Variants in HNF4A observed in about 807,000 individuals in gnomAD.
HNF4A encodes hepatocyte nuclear factor 4 alpha.
Under a neutral mutation model 52.4 loss-of-function variants are expected in HNF4A, and 15 were observed. The ratio of observed to expected loss-of-function variants is 0.29; its 90% CI spans 0.19 to 0.44. The LOEUF (loss-of-function observed/expected upper bound fraction) is 0.44. HNF4A is among the 20% of genes least tolerant of loss of function. The pLI is 1.00. For synonymous variants in HNF4A, 280 were observed against 264.4 expected, an observed-to-expected ratio of 1.06 and a Z score of -0.57; for missense variants, 479 against 647.2, an observed-to-expected ratio of 0.74 and a Z score of 2.82.
chr20:44,403,824 G>A (rs1280085605), intron 1 of HNF4A, among the ~76,000 whole-genome samples: 1 of 152,164 alleles, frequency 6.6e-6, no homozygotes, highest in Non-Finnish European at 1.5e-5. Context: ...AGAGGTGCTC[G>A]GCTGACCTCA....
intron 7 of HNF4A, among the ~76,000 whole-genome samples, 184 bp downstream of exon 7, chr20:44,420,060 A>C (rs1032606174): frequency 6.6e-6 from 1 of 152,138 alleles, no homozygotes; most frequent in Non-Finnish European, 1.5e-5. Context: ...GGCCGGGCGC[A>C]GTGGCTCACA....
At chr20:44,407,262 C>A in intron 2 of HNF4A, 119 bp from the exon 3 acceptor site, 1 of 771,506 alleles carries the variant, frequency 1.3e-6, no homozygotes, top group Non-Finnish European at 2.3e-6. Flanking sequence ...AGAGAACTCC[C>A]GGGATGAAGA....
chr20:44,383,287 T>G (rs1239161964), intron 1 of HNF4A, among the ~76,000 whole-genome samples: 1 of 152,198 alleles, frequency 6.6e-6, no homozygotes, highest in African/African-American at 2.4e-5. Context: ...TTTTATACAT[T>G]AACACAAATA....
Position 44,387,657 on chromosome 20 carries a change from G to GA in HNF4A, c.50-18401_50-18400insA, listed in dbSNP as rs993545663. 1.5e-4 allele frequency among the ~76,000 whole-genome samples: 11 copies of GA among 73,658 alleles called. No individual in the cohort carries two copies. In the East Asian group the frequency reaches 4.0e-3, roughly 26 times the overall value. The allele number at this position is 73,658 out of a possible 152,430, so 48.3% of individuals were successfully genotyped here. A position where few individuals can be genotyped will look rare whatever the true frequency, so the allele number is the denominator to read the frequency against. On this transcript the variant is annotated intron_variant, in intron 1 of 9. Coordinates refer to the HNF4A transcript ENST00000316673. ...TGAAGGGGTGGGGTGGAGGCAGGCG[G>GA]GGGGGGGGGGAGGCGGGGGGGGCGG... is the stretch of plus-strand genomic sequence containing the variant.
At position 44,402,485 on chromosome 20, in the gene HNF4A, C is replaced by T. The variant is rs537625805; in HGVS notation, c.115+998C>T. The T allele has an allele frequency of 2.1e-5, 23 of 1,104,050 alleles. No individual in the cohort carries two copies. The East Asian group carries it at 1.2e-3, about 59-fold the overall frequency. The allele number at this position is 1,104,050 out of a possible 1,614,324, so 68.4% of individuals were successfully genotyped here. On this transcript the variant is annotated intron_variant, in intron 1 of 9. Coordinates refer to ENST00000316099, the MANE Select transcript of HNF4A (RefSeq NM_000457.6). ...GTGCACGACTGCACAGACCCAAATG[C>T]AGGACTCTGTTGTTGCCACTCACCA...
intron 5 of HNF4A, among the ~76,000 whole-genome samples, chr20:44,417,425 T>C (rs2063680793): frequency 2.0e-5 from 3 of 152,208 alleles, no homozygotes; most frequent in Admixed American, 2.0e-4. Context: ...AAGCTGATTC[T>C]CTGCCAGGGG....
intron 5 of HNF4A, among the ~76,000 whole-genome samples, chr20:44,415,744 C>A (rs2063654905): frequency 6.6e-6 from 1 of 152,224 alleles, no homozygotes; most frequent in Non-Finnish European, 1.5e-5. Context: ...CCTGGAACAC[C>A]TATTAATACT....
chr20:44,370,268 C>T (rs2063020288), intron 1 of HNF4A, among the ~76,000 whole-genome samples: 1 of 152,094 alleles, frequency 6.6e-6, no homozygotes, highest in Non-Finnish European at 1.5e-5. Context: ...ACCTTGTGAC[C>T]TGCCCGCCTC....
chr20:44,368,120 A>ATG (rs1297459068), intron 1 of HNF4A, among the ~76,000 whole-genome samples: 21 of 101,080 alleles, frequency 2.1e-4, no homozygotes, highest in African/African-American at 4.7e-4. Flanking sequence ...GTATACATAT[A>ATG]TGTGTGTGTG....
intron 1 of HNF4A, among the ~76,000 whole-genome samples, chr20:44,360,635 A>G (rs57151412): frequency 0.16 from 24,595 of 152,150 alleles, 2,395 homozygotes; most frequent in Middle Eastern, 0.26. Context: ...AAGTGCTCTA[A>G]ACAGGACAAG....
chr20:44,417,347 T>TG (rs1001001198), intron 5 of HNF4A, among the ~76,000 whole-genome samples: 36 of 152,322 alleles, frequency 2.4e-4, no homozygotes, highest in African/African-American at 8.4e-4. Flanking sequence ...GTGAGCTTGC[T>TG]GGGCCCCTAC....
chr20:44,380,443 G>A (rs2063140072), intron 1 of HNF4A, among the ~76,000 whole-genome samples: 1 of 151,984 alleles, frequency 6.6e-6, no homozygotes, highest in African/African-American at 2.4e-5. Flanking sequence ...CTACAGGTGT[G>A]CAGCATGCCT....
intron 8 of HNF4A, among the ~76,000 whole-genome samples, chr20:44,428,127 T>C (rs2063833794): frequency 6.6e-6 from 1 of 152,230 alleles, no homozygotes; most frequent in Non-Finnish European, 1.5e-5. Flanking sequence ...TTTTGTTCTC[T>C]TGGTTTTTTG....
At chr20:44,419,624 C>T (rs902133525) in intron 6 of HNF4A, 97 bp from the exon 7 acceptor site, 28 of 1,144,256 alleles carry the variant, frequency 2.4e-5, no homozygotes, top group Admixed American at 5.1e-5. Flanking sequence ...CCTCCTCCCA[C>T]AGGCACCAGC....
intron 1 of HNF4A, among the ~76,000 whole-genome samples, chr20:44,370,096 G>A (rs531373239): frequency 6.6e-6 from 1 of 151,948 alleles, no homozygotes; most frequent in African/African-American, 2.4e-5. Context: ...GCGCGATCTC[G>A]GCTCACTGCA....
intron 1 of HNF4A, among the ~76,000 whole-genome samples, chr20:44,383,532 A>T (rs1046964017): frequency 1.3e-5 from 2 of 151,198 alleles, no homozygotes; most frequent in East Asian, 3.9e-4. Context: ...AAGATTGAGA[A>T]GTACTCTTGG....
In HNF4A at chr20:44,414,355, G is replaced by A. The variant is rs562571408; in HGVS notation, c.493-152G>A. 1.5e-5 allele frequency: 17 copies of A among 1,108,966 alleles called. 1 individual carries two copies. Among genetic ancestry groups the A allele is most frequent in the Middle Eastern group, 2.6e-4 (1 of 3,870 alleles). 68.7% of individuals were successfully genotyped at this position (1,108,966 alleles called of 1,614,324 possible). A position where few individuals can be genotyped will look rare whatever the true frequency, so the allele number is the denominator to read the frequency against. ...TCATCCCTGCCTCCTCCCTCCCTCC[G>A]TTTTTACCCTGAGCTTCCTTCAGAG... is the stretch of plus-strand genomic sequence containing the variant. On this transcript the variant is annotated intron_variant, in intron 4 of 9. Coordinates refer to ENST00000316099, the MANE Select transcript of HNF4A (RefSeq NM_000457.6).
At chr20:44,415,940 G>T (rs545914360) in intron 5 of HNF4A, among the ~76,000 whole-genome samples, 1 of 152,204 alleles carries the variant, frequency 6.6e-6, no homozygotes, top group East Asian at 1.9e-4. Context: ...CTCTGCTGGA[G>T]TCTCTACATT....
intron 3 of HNF4A, among the ~76,000 whole-genome samples, chr20:44,409,962 C>T (rs141327900): frequency 6.6e-6 from 1 of 152,250 alleles, no homozygotes; most frequent in African/African-American, 2.4e-5. Flanking sequence ...CTCAGCCTCC[C>T]AAGTAGCTGG....
Sources: gnomAD v4.1 joint callset for allele counts (sites outside exome capture counted in the v4.1 genomes callset) on GRCh38, gnomAD v4.1.1 for gene constraint, MANE v1.5 for transcripts, NCBI Gene and HGNC (gene_info 2026-07-23, HGNC 2026-07-21) for gene names.